Variants in ANKRD11 observed in about 807,000 individuals in gnomAD.
ANKRD11 encodes the protein ankyrin repeat domain-containing protein 11.
In ANKRD11, 17 loss-of-function variants were observed where a neutral mutation model predicts 195.7. The observed-to-expected ratio is 0.09, with a 90% CI of 0.06 to 0.13. The LOEUF (loss-of-function observed/expected upper bound fraction) is 0.13. Among genes scored for constraint, ANKRD11 ranks in the 10% least tolerant of loss-of-function variants. The pLI is 1.00. For missense variants in ANKRD11, 3,735 were observed against 3,566.1 expected (o/e 1.05, Z -1.21); for synonymous variants, 1,953 against 1,528.1 (o/e 1.28, Z -6.49).
chr16:89,359,157 GA>G (rs765880066), intron 2 of ANKRD11, among the ~76,000 whole-genome samples: 10 of 149,416 alleles, frequency 6.7e-5, no homozygotes, highest in Admixed American at 1.3e-4. Context: ...GATTCTGGAA[GA>G]AAAAAAAAAT....
intron 1 of ANKRD11, among the ~76,000 whole-genome samples, chr16:89,439,352 G>A (rs1366512096): frequency 6.6e-6 from 1 of 152,160 alleles, no homozygotes; most frequent in Non-Finnish European, 1.5e-5. Context: ...TACTTTTAAG[G>A]AGATAAAATG....
At chr16:89,311,259 T>C (rs996372327) in intron 3 of ANKRD11, among the ~76,000 whole-genome samples, 1 of 152,244 alleles carries the variant, frequency 6.6e-6, no homozygotes, top group Admixed American at 6.5e-5. Flanking sequence ...ACATTATTCA[T>C]TTTATTTTAT....
chr16:89,392,669 C>T (rs1041311295), intron 2 of ANKRD11: 1 of 150,112 alleles, frequency 6.7e-6, no homozygotes, highest in Non-Finnish European at 1.5e-5. Context: ...TAATGCACTT[C>T]GGATGTCAGC....
In ANKRD11 at chr16:89,305,291, G is replaced by A. The variant is rs200889723; in HGVS notation, c.141C>T (p.Gly47=). The A allele has an allele frequency of 1.0e-4, 161 of 1,613,826 alleles. No homozygotes were observed. Among genetic ancestry groups the A allele is most frequent in the East Asian group, 2.2e-4 (10 of 44,898 alleles). Reference sequence around the variant, plus strand: ...TGGCTCGCTCCCTCACCTCCTTCCCGCCATCGCCACGCTCCAGTTTTGGGG... The same window carrying A: ...TGGCTCGCTCCCTCACCTCCTTCCCACCATCGCCACGCTCCAGTTTTGGGG... ...TKTPKLERGD[G]GKEVRERASK... is the part of the protein sequence containing the mutation. Residue 47 remains glycine, a synonymous_variant, in exon 4 of 13, where the codon GGC becomes GGT. Coordinates refer to ENST00000301030, the MANE Select transcript of ANKRD11 (RefSeq NM_013275.6).
At position 89,370,360 on chromosome 16, in the gene ANKRD11, C is replaced by T. The variant is rs142691226; in HGVS notation, c.-60+47924G>A. ...AGTGCAGTCCAGAAGGGGAGACAGG[C>T]GTGCCCGGTACCTGCCCCAGCCACA... On this transcript the variant is annotated intron_variant, in intron 2 of 12. Coordinates refer to ENST00000301030, the MANE Select transcript of ANKRD11 (RefSeq NM_013275.6). Among the ~76,000 whole-genome samples the T allele has an allele frequency of 4.7e-4, 71 of 152,238 alleles. 1 individual carries two copies. In the Middle Eastern group the frequency reaches 0.02, roughly 44 times the overall value.
rs1471965601 is a variant in ANKRD11, at chr16:89,279,522, C to G, written c.7020G>C (p.Arg2340=). The change falls in exon 9 of 13, where the codon CGG becomes CGC. Residue 2340 remains arginine (R), a synonymous_variant. Coordinates refer to ENST00000301030, the MANE Select transcript of ANKRD11 (RefSeq NM_013275.6). This position sits in a 1 kb window ranked among gnomAD's most constrained non-coding sequence, Gnocchi z 5.6. The part of the protein sequence containing the change: ...EEIPQRMTRN[R]AQMLANQSKQ... ...TGCTCTGGTTCGCGAGCATCTGCGC[C>G]CGGTTCCTGGTCATGCGCTGAGGGA... is the stretch of plus-strand genomic sequence containing the variant. 7.2e-7 allele frequency: 1 copy of G among 1,385,978 alleles called. No individual in the cohort carries two copies. The highest frequency in any genetic ancestry group is 9.8e-7 in the Non-Finnish European group (1 of 1,021,676). 85.9% of individuals were successfully genotyped at this position (1,385,978 alleles called of 1,614,324 possible).
intron 6 of ANKRD11, among the ~76,000 whole-genome samples, chr16:89,289,265 GTTTC>G (rs770450830): frequency 8.6e-4 from 130 of 151,964 alleles, no homozygotes; most frequent in Non-Finnish European, 1.5e-3. Flanking sequence ...CTCTAGAGAA[GTTTC>G]TTTTAGAAAA....
chr16:89,389,178 C>G (rs562478315), intron 2 of ANKRD11, among the ~76,000 whole-genome samples: 2 of 152,006 alleles, frequency 1.3e-5, no homozygotes, highest in South Asian at 4.2e-4. Flanking sequence ...GCCACTACGT[C>G]TGGCTAATTT....
intron 2 of ANKRD11, chr16:89,323,234 A>C: frequency 1.7e-6 from 2 of 1,180,502 alleles, no homozygotes; most frequent in Non-Finnish European, 2.2e-6. Flanking sequence ...AAAAAAGAAA[A>C]AAGGAGAAAA....
At chr16:89,472,629 C>T (rs1254445873) in intron 1 of ANKRD11, among the ~76,000 whole-genome samples, 1 of 152,184 alleles carries the variant, frequency 6.6e-6, no homozygotes, top group African/African-American at 2.4e-5. Flanking sequence ...CTGCGCCCAG[C>T]TTATTCCATT....
chr16:89,431,128 A>G (rs2042959267), intron 1 of ANKRD11: 1 of 152,182 alleles, frequency 6.6e-6, no homozygotes, highest in Non-Finnish European at 1.5e-5. Flanking sequence ...GAGTTTCCAC[A>G]TAAAACCTGC....
At chr16:89,288,738 C>T (rs1409532440) in intron 6 of ANKRD11, 68 bp from the exon 7 acceptor site, 17 of 1,605,812 alleles carry the variant, frequency 1.1e-5, no homozygotes, top group Middle Eastern at 1.6e-4. Context: ...CTGGAGGCAG[C>T]GCCCTGAGGA....
At chr16:89,352,380 C>T (rs1597751437) in intron 2 of ANKRD11, among the ~76,000 whole-genome samples, 1 of 151,530 alleles carries the variant, frequency 6.6e-6, no homozygotes. Flanking sequence ...GGCAGCCCCC[C>T]AAGAAAACCA....
intron 2 of ANKRD11, among the ~76,000 whole-genome samples, chr16:89,406,620 G>A (rs915117083): frequency 6.6e-6 from 1 of 152,190 alleles, no homozygotes; most frequent in African/African-American, 2.4e-5. Flanking sequence ...GACAAGGAAG[G>A]CCCAGGGCAG....
At chr16:89,420,370 C>A (rs776965800) in intron 1 of ANKRD11, 2 of 152,196 alleles carry the variant, frequency 1.3e-5, no homozygotes, top group African/African-American at 2.4e-5. Context: ...TTCTAGATGC[C>A]AGTAAGGCCA....
At chr16:89,488,371 G>A (rs1299142431) in intron 1 of ANKRD11, among the ~76,000 whole-genome samples, 1 of 151,960 alleles carries the variant, frequency 6.6e-6, no homozygotes. Context: ...TGAATGGAGG[G>A]TAGGGGAGGC....
chr16:89,311,273 C>T (rs1000245001), intron 3 of ANKRD11, among the ~76,000 whole-genome samples: 1 of 152,178 alleles, frequency 6.6e-6, no homozygotes, highest in East Asian at 1.9e-4. Flanking sequence ...ATTTTATAAG[C>T]TGATGAATTC....
At chr16:89,488,511 T>C (rs916603029) in intron 1 of ANKRD11, among the ~76,000 whole-genome samples, 5 of 150,352 alleles carry the variant, frequency 3.3e-5, no homozygotes, top group Non-Finnish European at 5.9e-5. Flanking sequence ...AATCATTCTC[T>C]AACAGAACTC....
chr16:89,338,210 C>T (rs2151987070), intron 2 of ANKRD11, among the ~76,000 whole-genome samples: 1 of 152,184 alleles, frequency 6.6e-6, no homozygotes, highest in Middle Eastern at 3.4e-3. Context: ...GGGGGTGGGA[C>T]CTCTGCAGCC....
Sources: gnomAD v4.1 joint callset for allele counts (sites outside exome capture counted in the v4.1 genomes callset) on GRCh38, gnomAD v4.1.1 for gene constraint, Gnocchi (gnomAD v3.1) non-coding constraint, MANE v1.5 for transcripts, NCBI Gene and HGNC (gene_info 2026-07-23, HGNC 2026-07-21) for gene names.